Variants in STX8 observed in about 807,000 individuals in gnomAD.
STX8 encodes syntaxin-8.
Under a neutral mutation model 37.5 loss-of-function variants are expected in STX8, and 23 were observed. The observed-to-expected ratio is 0.61, with a 90% confidence interval of 0.44 to 0.87. The LOEUF (loss-of-function observed/expected upper bound fraction) is 0.87. STX8 is among the 40% of genes least tolerant of loss of function. STX8 has a pLI of 0.00. For synonymous variants in STX8, 115 were observed against 99.1 expected (o/e 1.16, Z -0.95); for missense variants, 313 against 284.7 (o/e 1.10, Z -0.71).
chr17:9,557,500 T>G lies in STX8; in HGVS notation c.146A>C (p.Gln49Pro). 1 of 1,614,134 alleles carries G rather than the reference T, an allele frequency of 6.2e-7. No homozygotes were observed. Among genetic ancestry groups the G allele is most frequent in the Admixed American group, 1.7e-5 (1 of 60,018 alleles). The change falls in exon 3 of 8, where the codon CAG becomes CCG. Residue 49 changes from glutamine (Q) to proline (P), a missense_variant. Gln to Pro is a moderately conservative substitution (Grantham distance 76, BLOSUM62 -1). Transcript: ENST00000306357. ...AAGGGCGATCTTTTCCTTCAGGTTC[T>G]GCAACAAAGCTCTGATTGTCACGGT... ...KLTVTIRALL[Q>P]NLKEKIALLK...
chr17:9,497,159 T>C (rs564089262), intron 5 of STX8, among the ~76,000 whole-genome samples: 11 of 152,132 alleles, frequency 7.2e-5, no homozygotes, highest in South Asian at 4.1e-4. Context: ...AGAAACTGCA[T>C]AGAAGAAAAA....
chr17:9,537,582 T>G (rs1261323620), intron 4 of STX8, among the ~76,000 whole-genome samples: 2 of 135,520 alleles, frequency 1.5e-5, no homozygotes, highest in East Asian at 4.4e-4. Context: ...TGGCTCAATC[T>G]TTCTGTCAAC....
chr17:9,403,026 T>C (rs1213379412), intron 6 of STX8, among the ~76,000 whole-genome samples: 3 of 152,006 alleles, frequency 2.0e-5, no homozygotes, highest in Non-Finnish European at 4.4e-5. Context: ...CACAAACCCA[T>C]CATATAGAGG....
At chr17:9,557,746 G>A (rs1253294598) in intron 2 of STX8, among the ~76,000 whole-genome samples, 1 of 152,120 alleles carries the variant, frequency 6.6e-6, no homozygotes, top group Non-Finnish European at 1.5e-5. Flanking sequence ...CCACAACCTG[G>A]CCAAGTGGTG....
At chr17:9,315,776 C>T (rs184581164) in intron 7 of STX8, among the ~76,000 whole-genome samples, 21 of 152,260 alleles carry the variant, frequency 1.4e-4, no homozygotes, top group African/African-American at 5.1e-4. Flanking sequence ...CTTCAGGAGG[C>T]TGAGGTAGGC....
chr17:9,476,933 C>T (rs369040464), intron 6 of STX8, among the ~76,000 whole-genome samples: 1 of 152,034 alleles, frequency 6.6e-6, no homozygotes, highest in Admixed American at 6.6e-5. Flanking sequence ...GCAGTCTTGA[C>T]CTCCCGGGCT....
intron 7 of STX8, among the ~76,000 whole-genome samples, chr17:9,319,530 T>A (rs181101399): frequency 6.6e-6 from 1 of 152,246 alleles, no homozygotes; most frequent in East Asian, 1.9e-4. Flanking sequence ...CAGCAGCACA[T>A]CATTTGATTC....
intron 7 of STX8, among the ~76,000 whole-genome samples, chr17:9,258,011 A>T (rs1906867137): frequency 6.6e-6 from 1 of 152,258 alleles, no homozygotes; most frequent in Non-Finnish European, 1.5e-5. Flanking sequence ...AAACAAAAAA[A>T]GCATATTCTT....
At chr17:9,517,788 T>A (rs1319512503) in intron 4 of STX8, among the ~76,000 whole-genome samples, 3 of 98,750 alleles carry the variant, frequency 3.0e-5, no homozygotes, top group South Asian at 4.0e-4. Context: ...ACCCCTATTG[T>A]AAAAAAAAAA....
intron 6 of STX8, among the ~76,000 whole-genome samples, chr17:9,468,390 G>A (rs1316540719): frequency 6.6e-6 from 1 of 152,178 alleles, no homozygotes; most frequent in Admixed American, 6.5e-5. Context: ...GATTACAGGT[G>A]TGAGCCACTG....
At chr17:9,534,397 T>C (rs573291127) in intron 4 of STX8, among the ~76,000 whole-genome samples, 1 of 152,086 alleles carries the variant, frequency 6.6e-6, no homozygotes, top group Non-Finnish European at 1.5e-5. Context: ...AAATTCAACA[T>C]TGTAAAGGAT....
chr17:9,434,461 G>C (rs1389724316), intron 6 of STX8, among the ~76,000 whole-genome samples: 4 of 152,242 alleles, frequency 2.6e-5, no homozygotes, highest in Non-Finnish European at 4.4e-5. Context: ...CTTGTGGCAG[G>C]AAACCCAGCT....
At chr17:9,417,886 G>A (rs1418750943) in intron 6 of STX8, among the ~76,000 whole-genome samples, 4 of 152,286 alleles carry the variant, frequency 2.6e-5, no homozygotes, top group South Asian at 2.1e-4. Flanking sequence ...CTCACTCCAC[G>A]GGGACAGGAG....
chr17:9,314,364 T>C (rs566289984), intron 7 of STX8, among the ~76,000 whole-genome samples: 31 of 152,258 alleles, frequency 2.0e-4, no homozygotes, highest in African/African-American at 7.5e-4. Flanking sequence ...CATTAGATCA[T>C]GAGATTGGGA....
At chr17:9,448,221 T>C (rs891253146) in intron 6 of STX8, among the ~76,000 whole-genome samples, 5 of 151,904 alleles carry the variant, frequency 3.3e-5, no homozygotes, top group Non-Finnish European at 2.9e-5. Context: ...GATTGCATAT[T>C]TATGAATTTG....
chr17:9,281,699 C>T (rs750780358), intron 7 of STX8, among the ~76,000 whole-genome samples: 34 of 152,102 alleles, frequency 2.2e-4, no homozygotes, highest in Admixed American at 1.0e-3. Context: ...TTTGGGAGGC[C>T]GAGGCAGGTG....
At chr17:9,314,782 C>A (rs759766863) in intron 7 of STX8, among the ~76,000 whole-genome samples, 10 of 151,420 alleles carry the variant, frequency 6.6e-5, no homozygotes, top group African/African-American at 1.9e-4. Flanking sequence ...TTCCCCTTGG[C>A]CAAGGGTAGC....
chr17:9,276,098 ACC>A (rs762529691), intron 7 of STX8, among the ~76,000 whole-genome samples: 3 of 111,374 alleles, frequency 2.7e-5, no homozygotes, highest in Non-Finnish European at 6.4e-5. Flanking sequence ...GTTTCTATCT[ACC>A]CCCTGATCCC....
intron 5 of STX8, among the ~76,000 whole-genome samples, chr17:9,504,015 C>A (rs1904724742): frequency 6.6e-6 from 1 of 152,176 alleles, no homozygotes; most frequent in Non-Finnish European, 1.5e-5. Context: ...CCTCCTGCCT[C>A]AGCCTCCCAA....
Sources: allele counts gnomAD v4.1 joint callset (sites outside exome capture counted in the v4.1 genomes callset), GRCh38; gene constraint gnomAD v4.1.1; transcripts MANE v1.5; gene names NCBI Gene and HGNC (gene_info 2026-07-23, HGNC 2026-07-21).